Variants in SHROOM2 observed in about 807,000 individuals in gnomAD.
SHROOM2 encodes the protein shroom family member 2, also known as protein Shroom2.
A neutral mutation model predicts 75.9 loss-of-function variants in SHROOM2; 33 were observed. The ratio of observed to expected loss-of-function variants is 0.43; its 90% CI spans 0.33 to 0.58. The LOEUF is 0.58. Among genes scored for constraint, SHROOM2 ranks in the 20% least tolerant of loss-of-function variants. The pLI is 0.04. For missense variants in SHROOM2, 1,434 were observed against 1,461.2 expected (o/e 0.98, Z 0.30); for synonymous variants, 655 against 663.6 (o/e 0.99, Z 0.20).
At chrX:9,817,501 C>A (rs1373348115) in intron 1 of SHROOM2, among the ~76,000 whole-genome samples, 1 of 111,882 alleles carries the variant, frequency 8.9e-6, no homozygotes, top group East Asian at 2.8e-4. Context: ...GTAATAACTT[C>A]CCTGGCTCAC....
At chrX:9,927,586 C>T (rs1188416364) in intron 5 of SHROOM2, among the ~76,000 whole-genome samples, 5 of 111,382 alleles carry the variant, frequency 4.5e-5, no homozygotes, top group Admixed American at 1.9e-4. Context: ...AGAACTTAAC[C>T]ATGGTGTCTT....
At chrX:9,939,418 G>C (rs1208347203) in intron 8 of SHROOM2, 52 bp downstream of exon 8, 4 of 1,076,035 alleles carry the variant, frequency 3.7e-6, no homozygotes, top group Non-Finnish European at 5.0e-6. Context: ...GCAGGGGCAG[G>C]CATCCGGATC....
In SHROOM2 at chrX:9,905,630, A is replaced by G. The variant is rs747271428; in HGVS notation, c.2891+7340A>G. On this transcript the variant is annotated intron_variant, in intron 5 of 9. Transcript: ENST00000380913. The stretch of plus-strand genomic sequence containing the variant: ...TTCTCGCACGTGGCACTTGGAGCAC[A>G]TCCTTGGGAACATGTCTGTCCTCTT... Among the ~76,000 whole-genome samples the G allele has an allele frequency of 4.4e-5, 5 of 113,322 alleles. No homozygotes were observed. The South Asian group carries it at 1.8e-3, about 40-fold the overall frequency.
At chrX:9,815,002 T>TATC (rs1459733059) in intron 1 of SHROOM2, among the ~76,000 whole-genome samples, 15 of 111,455 alleles carry the variant, frequency 1.3e-4, no homozygotes, top group African/African-American at 4.9e-4. Flanking sequence ...TGAGGCTCAG[T>TATC]ATCTGCTTTT....
intron 1 of SHROOM2, among the ~76,000 whole-genome samples, chrX:9,835,994 G>A (rs1286593500): frequency 8.9e-6 from 1 of 112,338 alleles, no homozygotes; most frequent in Non-Finnish European, 1.9e-5. Context: ...ACCCTGCTGA[G>A]CAGCTGAGCC....
At chrX:9,851,823 C>A (rs2084042678) in intron 1 of SHROOM2, among the ~76,000 whole-genome samples, 1 of 110,989 alleles carries the variant, frequency 9.0e-6, no homozygotes, top group African/African-American at 3.3e-5. Context: ...CCCCTTTTAA[C>A]TTCTCTCTTG....
intron 5 of SHROOM2, among the ~76,000 whole-genome samples, chrX:9,924,386 C>T (rs1438145683): frequency 8.9e-6 from 1 of 112,274 alleles, no homozygotes; most frequent in East Asian, 2.8e-4. Flanking sequence ...GAGACAGTCT[C>T]ACTCTGTTAC....
chrX:9,823,232 CCTT>C (rs1278955755), intron 1 of SHROOM2, among the ~76,000 whole-genome samples: 5,509 of 71,995 alleles, frequency 0.077, 514 homozygotes, highest in African/African-American at 0.26. Flanking sequence ...TCCTCCTCCT[CCTT>C]CTTCTCTTCT....
intron 1 of SHROOM2, among the ~76,000 whole-genome samples, chrX:9,827,814 G>A (rs1204098182): frequency 1.1e-4 from 12 of 110,566 alleles, no homozygotes; most frequent in African/African-American, 3.3e-4. Flanking sequence ...GGGTCCTTCC[G>A]GGTCGGGGTG....
intron 1 of SHROOM2, among the ~76,000 whole-genome samples, chrX:9,855,319 A>AAAAAAAAAAAAT (rs2084063179): frequency 9.3e-6 from 1 of 107,056 alleles, no homozygotes; most frequent in Admixed American, 1.0e-4. Flanking sequence ...AAAAAAAAAA[A>AAAAAAAAAAAAT]AAGGCATCCT....
chrX:9,832,878 C>T (rs2083923643), intron 1 of SHROOM2, among the ~76,000 whole-genome samples: 1 of 111,332 alleles, frequency 9.0e-6, no homozygotes, highest in African/African-American at 3.3e-5. Context: ...ATAGGAAGTA[C>T]TAGAAATCTA....
At chrX:9,904,836 A>C (rs907717826) in intron 5 of SHROOM2, among the ~76,000 whole-genome samples, 4 of 111,652 alleles carry the variant, frequency 3.6e-5, no homozygotes, top group African/African-American at 1.3e-4. Flanking sequence ...GGTGACACAG[A>C]CATCCACCCA....
At chrX:9,930,228 A>C (rs2084634838) in intron 5 of SHROOM2, among the ~76,000 whole-genome samples, 2 of 111,758 alleles carry the variant, frequency 1.8e-5, no homozygotes, top group African/African-American at 6.5e-5. Flanking sequence ...GAACGCTGAA[A>C]TATTGAGGCT....
chrX:9,787,624 C>T (rs2083622481), intron 1 of SHROOM2, among the ~76,000 whole-genome samples: 1 of 112,356 alleles, frequency 8.9e-6, no homozygotes, highest in African/African-American at 3.2e-5. Flanking sequence ...TCCTGCCTCT[C>T]CACAGCAGGA....
chrX:9,847,157 A>C (rs1303288335), intron 1 of SHROOM2, among the ~76,000 whole-genome samples: 2 of 112,406 alleles, frequency 1.8e-5, no homozygotes, highest in Non-Finnish European at 3.8e-5. Context: ...GAGGCCGGCA[A>C]ACCAGTCTCA....
At position 9,947,161 on chromosome X, in the gene SHROOM2, C is replaced by G; in HGVS notation, c.*224C>G. On this transcript the variant is annotated 3_prime_UTR_variant, in exon 10 of 10. Coordinates refer to ENST00000380913, the MANE Select transcript of SHROOM2 (RefSeq NM_001649.4). ...GAGAGCCATTTTCCTTTACACATAA[C>G]TACACCTGACACCAGGCTCTGCTGG... 2.4e-6 allele frequency: 1 copy of G among 414,381 alleles called. No individual in the cohort carries two copies. The highest frequency in any genetic ancestry group is 4.1e-6 in the Non-Finnish European group (1 of 241,674). 34.1% of individuals were successfully genotyped at this position (414,381 alleles called of 1,213,427 possible). A position where few individuals can be genotyped will look rare whatever the true frequency, so the allele number is the denominator to read the frequency against.
At chrX:9,914,168 C>G (rs1375676810) in intron 5 of SHROOM2, among the ~76,000 whole-genome samples, 1 of 103,430 alleles carries the variant, frequency 9.7e-6, no homozygotes, top group African/African-American at 3.6e-5. Context: ...GAGGCATGAA[C>G]AACACACACA....
At chrX:9,859,364 C>T (rs2084090523) in intron 1 of SHROOM2, among the ~76,000 whole-genome samples, 3 of 112,401 alleles carry the variant, frequency 2.7e-5, no homozygotes, top group African/African-American at 9.7e-5. Context: ...TATTGCATTG[C>T]GACCAGCTTT....
chrX:9,828,665 A>G (rs1026302677), intron 1 of SHROOM2, among the ~76,000 whole-genome samples: 1 of 110,018 alleles, frequency 9.1e-6, no homozygotes, highest in South Asian at 4.0e-4. Flanking sequence ...GGGTCTCACT[A>G]TGTTGCCCAG....
Sources: allele counts gnomAD v4.1 joint callset (sites outside exome capture counted in the v4.1 genomes callset), GRCh38; gene constraint gnomAD v4.1.1; transcripts MANE v1.5; gene names NCBI Gene and HGNC (gene_info 2026-07-23, HGNC 2026-07-21).